Variants in RBFOX1 observed in about 807,000 individuals in gnomAD.
The protein encoded by RBFOX1 is RNA binding fox-1 homolog 1, also known as RNA binding protein fox-1 homolog 1.
Under a neutral mutation model 57.7 loss-of-function variants are expected in RBFOX1, and 8 were observed. That is an observed-to-expected ratio of 0.14 (90% CI 0.08 to 0.25). The LOEUF is 0.25. Ranked by LOEUF, RBFOX1 falls within the 10% of genes least tolerant of loss-of-function variation. The pLI is 1.00. For missense variants in RBFOX1, 611 were observed against 548.5 expected, an observed-to-expected ratio of 1.11 and a Z score of -1.14; for synonymous variants, 326 against 222.4, an observed-to-expected ratio of 1.47 and a Z score of -4.15.
chr16:5,989,976 T>C (rs772914009), intron 4 of RBFOX1, among the ~76,000 whole-genome samples: 8 of 151,916 alleles, frequency 5.3e-5, no homozygotes, highest in Non-Finnish European at 8.8e-5. Context: ...CCTTGGAGAA[T>C]CTCCTCACAC....
At chr16:5,479,595 C>T (rs2069451381) in intron 2 of RBFOX1, among the ~76,000 whole-genome samples, 1 of 151,384 alleles carries the variant, frequency 6.6e-6, no homozygotes, top group South Asian at 2.1e-4. Flanking sequence ...CCCGTCTCTT[C>T]TAAAAATACA....
intron 3 of RBFOX1, among the ~76,000 whole-genome samples, chr16:6,780,212 T>TG (rs1567214407): frequency 3.0e-4 from 5 of 16,598 alleles, no homozygotes; most frequent in African/African-American, 7.0e-4. Flanking sequence ...TATATATTTA[T>TG]ATATATTTAT....
chr16:6,391,755 G>C (rs1398441662), intron 2 of RBFOX1, among the ~76,000 whole-genome samples: 1 of 152,104 alleles, frequency 6.6e-6, no homozygotes, highest in Non-Finnish European at 1.5e-5. Context: ...GGCAGGGAGA[G>C]AAGGAGAAGA....
chr16:7,568,905 A>AG (rs2092450403), intron 5 of RBFOX1, among the ~76,000 whole-genome samples: 1 of 150,926 alleles, frequency 6.6e-6, no homozygotes, highest in African/African-American at 2.4e-5. Context: ...AAAAAAAAAA[A>AG]AGAATCACTT....
At chr16:5,583,741 A>G (rs1302239674) in intron 2 of RBFOX1, among the ~76,000 whole-genome samples, 2 of 152,210 alleles carry the variant, frequency 1.3e-5, no homozygotes, top group African/African-American at 4.8e-5. Flanking sequence ...GGATTGTCCT[A>G]TGATGTAGGC....
chr16:6,472,673 G>C (rs1475191666), intron 2 of RBFOX1, among the ~76,000 whole-genome samples: 2 of 151,370 alleles, frequency 1.3e-5, no homozygotes, highest in African/African-American at 4.9e-5. Flanking sequence ...GCCCAGGCTG[G>C]AGTGCAGTGG....
chr16:6,754,015 A>G (rs2075384234), intron 3 of RBFOX1, among the ~76,000 whole-genome samples: 1 of 152,130 alleles, frequency 6.6e-6, no homozygotes, highest in Non-Finnish European at 1.5e-5. Flanking sequence ...TCTGGTACCC[A>G]ACTCTTGCTG....
intron 14 of RBFOX1, among the ~76,000 whole-genome samples, chr16:7,700,597 G>A (rs991880579): frequency 2.0e-5 from 3 of 152,332 alleles, no homozygotes; most frequent in African/African-American, 4.8e-5. Flanking sequence ...GATTTTGGTA[G>A]AGCAGGAGTA....
intron 3 of RBFOX1, among the ~76,000 whole-genome samples, chr16:6,794,117 G>A (rs1423757015): frequency 6.6e-6 from 1 of 152,022 alleles, no homozygotes; most frequent in Non-Finnish European, 1.5e-5. Flanking sequence ...CATGGGATGA[G>A]GTGTACTGTT....
intron 4 of RBFOX1, among the ~76,000 whole-genome samples, chr16:7,128,132 G>T (rs925141693): frequency 3.3e-5 from 5 of 152,174 alleles, no homozygotes; most frequent in Admixed American, 6.5e-5. Flanking sequence ...CAGCCCTGGT[G>T]AAAAGCAAAT....
At chr16:6,747,412 GAAAA>G (rs34681943) in intron 3 of RBFOX1, among the ~76,000 whole-genome samples, 1 of 148,456 alleles carries the variant, frequency 6.7e-6, no homozygotes. Context: ...GTCTCAAAAA[GAAAA>G]AAAAAATCTA....
chr16:7,430,260 T>C (rs2098665884), intron 4 of RBFOX1, among the ~76,000 whole-genome samples: 1 of 152,178 alleles, frequency 6.6e-6, no homozygotes, highest in Non-Finnish European at 1.5e-5. Context: ...TTTCGAAAAT[T>C]ATTTATTGTT....
At chr16:7,691,837 C>T (rs1363274512) in intron 14 of RBFOX1, among the ~76,000 whole-genome samples, 1 of 152,108 alleles carries the variant, frequency 6.6e-6, no homozygotes, top group Admixed American at 6.6e-5. Flanking sequence ...TATGTGAATG[C>T]CTAGTGCAAA....
chr16:6,874,616 C>T (rs1423767875), intron 3 of RBFOX1, among the ~76,000 whole-genome samples: 1 of 150,990 alleles, frequency 6.6e-6, no homozygotes, highest in African/African-American at 2.4e-5. Context: ...GAATGGAAAC[C>T]AAACATCTCA....
intron 1 of RBFOX1, among the ~76,000 whole-genome samples, chr16:5,316,535 A>T (rs527291849): frequency 1.6e-4 from 24 of 152,354 alleles, no homozygotes; most frequent in African/African-American, 5.1e-4. Context: ...TGACTCTGCC[A>T]TGTACCAATA....
At chr16:7,218,964 T>C (rs1016456008) in intron 4 of RBFOX1, among the ~76,000 whole-genome samples, 1 of 152,114 alleles carries the variant, frequency 6.6e-6, no homozygotes, top group African/African-American at 2.4e-5. Context: ...AGAGCTGATA[T>C]TGCTGGTTCC....
In RBFOX1 at chr16:7,461,795, A is replaced by ACAG. The variant is rs367832549; in HGVS notation, c.28-56346_28-56344dup. Among the ~76,000 whole-genome samples the ACAG allele has an allele frequency of 6.4e-3, 938 of 145,562 alleles. 10 individuals are homozygous for ACAG. Among genetic ancestry groups the ACAG allele is most frequent in the African/African-American group, 0.022 (874 of 39,046 alleles). On this transcript the variant is annotated intron_variant, in intron 4 of 15. Transcript: ENST00000550418. ...GTAGTGAGTGTTGGCATTAGAGCTT[A>ACAG]CAGCAGCATCCTCTCATATCTCTTA...
chr16:6,082,574 C>G (rs1344099325), intron 1 of RBFOX1, among the ~76,000 whole-genome samples: 2 of 151,656 alleles, frequency 1.3e-5, no homozygotes. Flanking sequence ...GCTAACAGCC[C>G]TTAGCAGACC....
chr16:7,106,927 C>T (rs761503714), intron 4 of RBFOX1, among the ~76,000 whole-genome samples: 23 of 151,598 alleles, frequency 1.5e-4, no homozygotes, highest in Admixed American at 8.6e-4. Flanking sequence ...ACAAGGAGGA[C>T]ATGGACACGT....
Sources: allele counts gnomAD v4.1 joint callset (sites outside exome capture counted in the v4.1 genomes callset), GRCh38; gene constraint gnomAD v4.1.1; transcripts MANE v1.5; gene names NCBI Gene and HGNC (gene_info 2026-07-23, HGNC 2026-07-21).